The following AJAP1 variants were observed in gnomAD, a reference collection of about 807,000 sequenced individuals.
AJAP1 encodes the protein adherens junctions associated protein 1.
AJAP1 carries 5 observed loss-of-function variants against 35.0 expected under a neutral mutation model. That is an observed-to-expected ratio of 0.14 (90% CI 0.07 to 0.30). AJAP1 has a LOEUF of 0.30. Ranked by LOEUF, AJAP1 falls within the 10% of genes least tolerant of loss-of-function variation. The pLI is 1.00. For missense variants in AJAP1, 586 were observed against 571.0 expected (o/e 1.03, Z -0.27); for synonymous variants, 284 against 249.3 (o/e 1.14, Z -1.31).
chr1:4,663,708 C>A (rs1018828909), intron 1 of AJAP1, among the ~76,000 whole-genome samples: 1 of 26,606 alleles, frequency 3.8e-5, no homozygotes, highest in East Asian at 5.0e-4. Flanking sequence ...GCTGCCCAGA[C>A]CTAGGGGTGG....
intron 1 of AJAP1, among the ~76,000 whole-genome samples, chr1:4,710,528 A>G (rs1375995002): frequency 6.6e-6 from 1 of 152,188 alleles, no homozygotes; most frequent in Non-Finnish European, 1.5e-5. Flanking sequence ...CATTACAATG[A>G]CACACACAGC....
intron 3 of AJAP1, among the ~76,000 whole-genome samples, 169 bp downstream of exon 3, chr1:4,770,109 G>A (rs1024840137): frequency 6.6e-6 from 1 of 152,182 alleles, no homozygotes; most frequent in Non-Finnish European, 1.5e-5. Flanking sequence ...CCTTTGGCCC[G>A]GCCCCTCTCC....
At chr1:4,683,759 G>C (rs912133919) in intron 1 of AJAP1, among the ~76,000 whole-genome samples, 1 of 152,206 alleles carries the variant, frequency 6.6e-6, no homozygotes, top group African/African-American at 2.4e-5. Context: ...GGCACTCCCT[G>C]TGTGCCAGCT....
chr1:4,772,457 GC>G lies in AJAP1; in HGVS notation c.1098del (p.Val367CysfsTer70). 6.2e-7 allele frequency: 1 copy of G among 1,614,242 alleles called. No homozygotes were observed. The highest frequency in any genetic ancestry group is 8.5e-7 in the Non-Finnish European group (1 of 1,180,052). ...CTCACGAGTGCGTCAGGGCATCTGT[GC>G]CCGTGTACACCGATGAGACGCTGCA... The part of the protein sequence containing the change: ...CSHECVRASV[P>X]VYTDETLHST... On this transcript the variant is annotated frameshift_variant, in exon 4 of 6. Coordinates refer to ENST00000378191, the MANE Select transcript of AJAP1 (RefSeq NM_018836.4). LOFTEE classifies it high-confidence loss of function.
chr1:4,721,510 A>G (rs180887574), intron 2 of AJAP1, among the ~76,000 whole-genome samples: 57 of 152,316 alleles, frequency 3.7e-4, no homozygotes, highest in African/African-American at 2.2e-4. Context: ...GATTTCAGAG[A>G]CACACCCTGT....
intron 1 of AJAP1, among the ~76,000 whole-genome samples, chr1:4,662,802 C>T (rs970385883): frequency 6.6e-6 from 1 of 152,216 alleles, no homozygotes; most frequent in Non-Finnish European, 1.5e-5. Context: ...TATTGAGTGT[C>T]GAGTGCATTC....
intron 1 of AJAP1, among the ~76,000 whole-genome samples, chr1:4,696,416 C>T (rs1356188041): frequency 6.6e-6 from 1 of 152,132 alleles, no homozygotes; most frequent in Non-Finnish European, 1.5e-5. Context: ...CCTAGGGGAG[C>T]CCTGTCCCTG....
rs1642200619 is a variant in AJAP1, at chr1:4,788,359, T to A, written c.*5874T>A. On this transcript the variant is annotated 3_prime_UTR_variant, in exon 6 of 6. Coordinates refer to ENST00000378191, the MANE Select transcript of AJAP1 (RefSeq NM_018836.4). Reference sequence around the variant, plus strand: ...AGGTCTAGGCAGAGAACTGCTATCTTTTAAACCACCCCAGCCCTCAGTCGA... The same window carrying A: ...AGGTCTAGGCAGAGAACTGCTATCTATTAAACCACCCCAGCCCTCAGTCGA... 1 of 152,350 alleles carries A rather than the reference T, an allele frequency of 6.6e-6. No individual in the cohort carries two copies. Among genetic ancestry groups the A allele is most frequent in the Non-Finnish European group, 1.5e-5 (1 of 68,188 alleles). 9.4% of individuals were successfully genotyped at this position (152,350 alleles called of 1,614,324 possible).
intron 2 of AJAP1, among the ~76,000 whole-genome samples, chr1:4,740,808 G>T (rs957850445): frequency 8.2e-6 from 1 of 121,304 alleles, no homozygotes; most frequent in Non-Finnish European, 1.9e-5. Flanking sequence ...AAAAAAAAGC[G>T]GGGGGGGCTA....
At chr1:4,663,723 A>G (rs1222798946) in intron 1 of AJAP1, among the ~76,000 whole-genome samples, 1 of 68,358 alleles carries the variant, frequency 1.5e-5, no homozygotes, top group Non-Finnish European at 3.1e-5. Flanking sequence ...GGGTGGGGAA[A>G]AGATCTCAAC....
At chr1:4,661,400 G>A (rs1638996334) in intron 1 of AJAP1, among the ~76,000 whole-genome samples, 1 of 152,192 alleles carries the variant, frequency 6.6e-6, no homozygotes, top group African/African-American at 2.4e-5. Flanking sequence ...CCTCAGGGTG[G>A]CCCTGCAAGG....
intron 5 of AJAP1, among the ~76,000 whole-genome samples, chr1:4,781,896 G>C (rs903504792): frequency 2.0e-5 from 3 of 152,224 alleles, no homozygotes; most frequent in African/African-American, 7.2e-5. Flanking sequence ...GTCTCAGCCT[G>C]CCCGCTGAAG....
At chr1:4,680,334 C>T (rs1264634308) in intron 1 of AJAP1, among the ~76,000 whole-genome samples, 2 of 152,218 alleles carry the variant, frequency 1.3e-5, no homozygotes, top group Non-Finnish European at 2.9e-5. Context: ...TCTCACCAGT[C>T]ATTGGATTTA....
At chr1:4,680,665 A>G (rs910505064) in intron 1 of AJAP1, among the ~76,000 whole-genome samples, 8 of 152,240 alleles carry the variant, frequency 5.3e-5, no homozygotes, top group African/African-American at 1.9e-4. Flanking sequence ...AGTCTGGTAC[A>G]TATGCTGGGC....
Position 4,723,522 on chromosome 1 carries a change from C to T in AJAP1, c.829+10823C>T, listed in dbSNP as rs895810738. The stretch of plus-strand genomic sequence containing the variant: ...GTGGCCAGGAGGCTGCAGGAGAAAG[C>T]TGTTCCCAGAGCATGGAGGGGTCCT... On this transcript the variant is annotated intron_variant, in intron 2 of 5. Transcript: ENST00000378191. The surrounding 1 kb of genome is among the most constrained non-coding windows in gnomAD (Gnocchi z 4.3). Among the ~76,000 whole-genome samples, 7 of 152,120 alleles carry T rather than the reference C, an allele frequency of 4.6e-5. No individual in the cohort carries two copies. The highest frequency in any genetic ancestry group is 1.7e-4 in the African/African-American group (7 of 41,430).
At chr1:4,675,430 G>A (rs1358364166) in intron 1 of AJAP1, among the ~76,000 whole-genome samples, 3 of 152,228 alleles carry the variant, frequency 2.0e-5, no homozygotes, top group Admixed American at 1.3e-4. Flanking sequence ...GCAACAGTGA[G>A]TGACAGTGCC....
intron 1 of AJAP1, among the ~76,000 whole-genome samples, chr1:4,700,999 C>T (rs1215276450): frequency 6.6e-6 from 1 of 152,240 alleles, no homozygotes; most frequent in Admixed American, 6.5e-5. Context: ...CTGCCACCCA[C>T]CGTCCTGCCC....
chr1:4,690,939 TG>T (rs1197860133), intron 1 of AJAP1, among the ~76,000 whole-genome samples: 3 of 152,198 alleles, frequency 2.0e-5, no homozygotes, highest in Admixed American at 2.0e-4. Context: ...CTATCCCCTG[TG>T]CTGGACTCAG....
intron 5 of AJAP1, among the ~76,000 whole-genome samples, chr1:4,775,002 C>T (rs987756528): frequency 2.0e-5 from 3 of 151,512 alleles, no homozygotes; most frequent in Non-Finnish European, 2.9e-5. Flanking sequence ...CGGGGGAGGG[C>T]GCAAGGCAGA....
Sources: gnomAD v4.1 joint callset for allele counts (sites outside exome capture counted in the v4.1 genomes callset) on GRCh38, gnomAD v4.1.1 for gene constraint, Gnocchi (gnomAD v3.1) non-coding constraint, MANE v1.5 for transcripts, NCBI Gene and HGNC (gene_info 2026-07-23, HGNC 2026-07-21) for gene names.